Variants in PTBP2 observed in about 807,000 individuals in gnomAD.
PTBP2 encodes the protein polypyrimidine tract binding protein 2.
A neutral mutation model predicts 61.4 loss-of-function variants in PTBP2; 13 were observed. The observed-to-expected ratio is 0.21, with a 90% CI of 0.14 to 0.34. The LOEUF is 0.34. Ranked by LOEUF, PTBP2 falls within the 10% of genes least tolerant of loss-of-function variation. PTBP2 has a pLI of 1.00. For missense variants in PTBP2, 405 were observed against 642.6 expected (o/e 0.63, Z 4.00); for synonymous variants, 215 against 218.5 (o/e 0.98, Z 0.14).
chr1:96,785,042 T>C lies in PTBP2; in HGVS notation c.709-17T>C. ...TTTTTGTTTAAGATTGCTGATATGC[T>C]TTATTCACTTTTACAGGCCCTAGAT... On this transcript the variant is annotated splice_polypyrimidine_tract_variant and intron_variant, in intron 7 of 13. Coordinates refer to ENST00000674951, the MANE Select transcript of PTBP2 (RefSeq NM_021190.4). 6.7e-7 allele frequency: 1 copy of C among 1,501,720 alleles called. No homozygotes were observed. Among genetic ancestry groups the C allele is most frequent in the Non-Finnish European group, 8.9e-7 (1 of 1,118,276 alleles). The allele number at this position is 1,501,720 out of a possible 1,614,324, so 93.0% of individuals were successfully genotyped here. A position where few individuals can be genotyped will look rare whatever the true frequency, so the allele number is the denominator to read the frequency against.
At chr1:96,746,925 T>C (rs191565398) in intron 2 of PTBP2, among the ~76,000 whole-genome samples, 4 of 80,638 alleles carry the variant, frequency 5.0e-5, no homozygotes, top group African/African-American at 1.2e-4. Flanking sequence ...CTTCCTTCCT[T>C]CCTTCCTTCC....
At chr1:96,738,518 C>T (rs1652546123) in intron 2 of PTBP2, among the ~76,000 whole-genome samples, 1 of 152,104 alleles carries the variant, frequency 6.6e-6, no homozygotes, top group Non-Finnish European at 1.5e-5. Flanking sequence ...TGTGATCCGC[C>T]CGCCTCGGAA....
At chr1:96,761,029 A>G (rs562567516) in intron 3 of PTBP2, among the ~76,000 whole-genome samples, 1 of 152,352 alleles carries the variant, frequency 6.6e-6, no homozygotes, top group East Asian at 1.9e-4. Flanking sequence ...GTATGAAGCA[A>G]AAGAAACCAG....
At chr1:96,778,573 C>T (rs759161816) in intron 7 of PTBP2, among the ~76,000 whole-genome samples, 1 of 152,042 alleles carries the variant, frequency 6.6e-6, no homozygotes, top group Non-Finnish European at 1.5e-5. Flanking sequence ...GTTTGTATAT[C>T]TTAAATCTAC....
chr1:96,799,896 TCA>T (rs1223132284), intron 8 of PTBP2, among the ~76,000 whole-genome samples: 5 of 152,214 alleles, frequency 3.3e-5, no homozygotes, highest in Non-Finnish European at 5.9e-5. Context: ...AAGTAGTTTT[TCA>T]GACAAAAGTA....
chr1:96,726,302 C>G lies in PTBP2; in HGVS notation c.39+2708C>G, dbSNP rs181962619. The stretch of plus-strand genomic sequence containing the variant: ...TTTTTTTTTTTTTTTGAGTCGGAGT[C>G]TCCCTCTGTCATCAGGCTGGAGTGC... On this transcript the variant is annotated intron_variant, in intron 2 of 13. Coordinates refer to ENST00000674951, the MANE Select transcript of PTBP2 (RefSeq NM_021190.4). Among the ~76,000 whole-genome samples the G allele has an allele frequency of 4.3e-3, 593 of 138,814 alleles. 4 individuals are homozygous for G. In the Middle Eastern group the frequency reaches 0.073, roughly 17 times the overall value. The allele number at this position is 138,814 out of a possible 152,430, so 91.1% of individuals were successfully genotyped here. A position where few individuals can be genotyped will look rare whatever the true frequency, so the allele number is the denominator to read the frequency against.
At chr1:96,753,959 T>C (rs1654870966) in intron 3 of PTBP2, among the ~76,000 whole-genome samples, 1 of 152,072 alleles carries the variant, frequency 6.6e-6, no homozygotes, top group African/African-American at 2.4e-5. Flanking sequence ...AGAGTGAGAA[T>C]GTGGGGGAAT....
At chr1:96,778,897 G>A (rs1217133660) in intron 7 of PTBP2, among the ~76,000 whole-genome samples, 3 of 152,032 alleles carry the variant, frequency 2.0e-5, no homozygotes, top group African/African-American at 7.2e-5. Flanking sequence ...TAGCAGAAAG[G>A]CTATACAAGT....
At chr1:96,762,997 C>A (rs927606885) in intron 3 of PTBP2, among the ~76,000 whole-genome samples, 1 of 151,142 alleles carries the variant, frequency 6.6e-6, no homozygotes. Context: ...CGGGCAGAGA[C>A]GCTCCTCACT....
chr1:96,788,912 A>G (rs891279625), intron 8 of PTBP2, among the ~76,000 whole-genome samples: 7 of 152,062 alleles, frequency 4.6e-5, no homozygotes, highest in Admixed American at 4.6e-4. Context: ...GTGCTTTGTA[A>G]TGAGTTTAAA....
At chr1:96,762,606 C>T (rs1656086490) in intron 3 of PTBP2, among the ~76,000 whole-genome samples, 1 of 148,484 alleles carries the variant, frequency 6.7e-6, no homozygotes, top group Non-Finnish European at 1.5e-5. Flanking sequence ...CCTCACTTCC[C>T]AGTAGGGGCG....
intron 8 of PTBP2, among the ~76,000 whole-genome samples, chr1:96,786,185 T>C (rs1227390293): frequency 6.6e-6 from 1 of 152,166 alleles, no homozygotes; most frequent in Non-Finnish European, 1.5e-5. Context: ...TACTTCCCAA[T>C]ATATAACAGT....
At chr1:96,799,676 T>C (rs1311068804) in intron 8 of PTBP2, among the ~76,000 whole-genome samples, 3 of 152,228 alleles carry the variant, frequency 2.0e-5, no homozygotes, top group Non-Finnish European at 4.4e-5. Flanking sequence ...AGAGCCAGTG[T>C]ATACAATATG....
At chr1:96,762,939 C>T (rs1423787463) in intron 3 of PTBP2, among the ~76,000 whole-genome samples, 6 of 145,208 alleles carry the variant, frequency 4.1e-5, no homozygotes, top group South Asian at 2.2e-4. Flanking sequence ...ACATCCCAGA[C>T]GGGGCGGCGG....
At chr1:96,736,444 A>G (rs1484907035) in intron 2 of PTBP2, among the ~76,000 whole-genome samples, 1 of 152,142 alleles carries the variant, frequency 6.6e-6, no homozygotes, top group African/African-American at 2.4e-5. Context: ...CTGATGATCT[A>G]GTATTGATTG....
chr1:96,756,717 G>A (rs1319626749), intron 3 of PTBP2, among the ~76,000 whole-genome samples: 1 of 152,160 alleles, frequency 6.6e-6, no homozygotes, highest in African/African-American at 2.4e-5. Context: ...CCAACTATAT[G>A]ACATTCTGGA....
At chr1:96,761,727 TTTTTTTGTTTG>T (rs958138846) in intron 3 of PTBP2, among the ~76,000 whole-genome samples, 44 of 150,752 alleles carry the variant, frequency 2.9e-4, no homozygotes, top group African/African-American at 9.5e-4. Context: ...CTGTTCTGTT[TTTTTTTGTTTG>T]TTTTTTGTTT....
intron 8 of PTBP2, among the ~76,000 whole-genome samples, chr1:96,789,444 A>G (rs1179926756): frequency 6.6e-6 from 1 of 152,042 alleles, no homozygotes; most frequent in Non-Finnish European, 1.5e-5. Flanking sequence ...AGGCATTCCT[A>G]TGTTTTTAGG....
intron 2 of PTBP2, among the ~76,000 whole-genome samples, chr1:96,725,221 C>A (rs527525822): frequency 6.6e-6 from 1 of 150,926 alleles, no homozygotes; most frequent in Non-Finnish European, 1.5e-5. Context: ...AGTTTGTAGA[C>A]AAGGCTCAGA....
Sources: allele counts gnomAD v4.1 joint callset (sites outside exome capture counted in the v4.1 genomes callset), GRCh38; gene constraint gnomAD v4.1.1; transcripts MANE v1.5; gene names NCBI Gene and HGNC (gene_info 2026-07-23, HGNC 2026-07-21).